KCNIP4: variants seen among roughly 807,000 people sequenced by gnomAD.
KCNIP4 encodes the protein Kv channel-interacting protein 4.
KCNIP4 carries 12 observed loss-of-function variants against 34.0 expected under a neutral mutation model. The observed-to-expected ratio is 0.35, with a 90% CI of 0.23 to 0.57. KCNIP4 has a LOEUF of 0.57. Ranked by LOEUF, KCNIP4 falls within the 20% of genes least tolerant of loss-of-function variation. KCNIP4 has a pLI of 0.83. For synonymous variants in KCNIP4, 124 were observed against 102.2 expected (o/e 1.21, Z -1.29); for missense variants, 238 against 311.7 (o/e 0.76, Z 1.78).
At chr4:20,817,163 A>G (rs1321828196) in intron 3 of KCNIP4, among the ~76,000 whole-genome samples, 1 of 152,228 alleles carries the variant, frequency 6.6e-6, no homozygotes, top group African/African-American at 2.4e-5. Flanking sequence ...CACAGTTTAC[A>G]TGTGTTGTGG....
At chr4:21,672,529 G>A (rs1418565214) in intron 1 of KCNIP4, among the ~76,000 whole-genome samples, 1 of 152,166 alleles carries the variant, frequency 6.6e-6, no homozygotes. Flanking sequence ...CAAAGGTTCA[G>A]TGTATATTAA....
chr4:21,823,518 AAC>A lies in KCNIP4; in HGVS notation c.61+125051_61+125052del, dbSNP rs1491526216. Among the ~76,000 whole-genome samples the A allele has an allele frequency of 8.9e-4, 116 of 130,344 alleles. 1 individual carries two copies. Among genetic ancestry groups the A allele is most frequent in the East Asian group, 4.3e-3 (14 of 3,236 alleles). The allele number at this position is 130,344 out of a possible 152,430, so 85.5% of individuals were successfully genotyped here. A position where few individuals can be genotyped will look rare whatever the true frequency, so the allele number is the denominator to read the frequency against. Reference sequence around the variant, plus strand: ...ATTTTTGTTCTGTCTTAAAAAAAAAAACAAAAAAACTACAGTCCTTCCAGATC... The same window carrying A: ...ATTTTTGTTCTGTCTTAAAAAAAAAAAAAAAAACTACAGTCCTTCCAGATC... On this transcript the variant is annotated intron_variant, in intron 1 of 8. Coordinates refer to ENST00000382152, the MANE Select transcript of KCNIP4 (RefSeq NM_025221.6).
chr4:21,421,320 C>T (rs556665109), intron 1 of KCNIP4, among the ~76,000 whole-genome samples: 1 of 152,258 alleles, frequency 6.6e-6, no homozygotes, highest in Admixed American at 6.5e-5. Context: ...TATCTGCACT[C>T]TCATGTTCAT....
intron 1 of KCNIP4, among the ~76,000 whole-genome samples, chr4:21,500,498 T>C (rs893018704): frequency 6.6e-6 from 1 of 152,120 alleles, no homozygotes; most frequent in African/African-American, 2.4e-5. Context: ...TTAGACAAAG[T>C]ATATAGAGCA....
At chr4:20,908,878 CTTTA>C (rs1438086405) in intron 1 of KCNIP4, among the ~76,000 whole-genome samples, 1 of 152,182 alleles carries the variant, frequency 6.6e-6, no homozygotes, top group East Asian at 1.9e-4. Flanking sequence ...ATGAAAAGTG[CTTTA>C]TTTACTCAGT....
chr4:20,753,428 T>G (rs1313328414), intron 4 of KCNIP4, among the ~76,000 whole-genome samples: 1 of 152,164 alleles, frequency 6.6e-6, no homozygotes, highest in Non-Finnish European at 1.5e-5. Flanking sequence ...AACTCTGAAC[T>G]TAGTCCAAAG....
At chr4:21,109,147 T>C (rs1016495737) in intron 1 of KCNIP4, among the ~76,000 whole-genome samples, 9 of 152,038 alleles carry the variant, frequency 5.9e-5, no homozygotes, top group East Asian at 1.9e-4. Context: ...GACAGGGACA[T>C]TTAAGTCTGC....
chr4:20,735,794 C>CA (rs1749489095), intron 5 of KCNIP4, among the ~76,000 whole-genome samples: 2 of 152,164 alleles, frequency 1.3e-5, no homozygotes, highest in South Asian at 4.1e-4. Context: ...CGCCGCCTCT[C>CA]AAAGTGCTGG....
chr4:21,420,242 T>C (rs1038618698), intron 1 of KCNIP4, among the ~76,000 whole-genome samples: 2 of 152,180 alleles, frequency 1.3e-5, no homozygotes, highest in African/African-American at 2.4e-5. Flanking sequence ...AAACACAAAA[T>C]TAAAATGGCG....
intron 3 of KCNIP4, among the ~76,000 whole-genome samples, chr4:20,786,432 C>A (rs1397680561): frequency 6.6e-6 from 1 of 152,028 alleles, no homozygotes; most frequent in Non-Finnish European, 1.5e-5. Context: ...TGCACATGTA[C>A]CCCCTGAATC....
chr4:21,190,899 C>G (rs1321430097), intron 1 of KCNIP4, among the ~76,000 whole-genome samples: 1 of 151,990 alleles, frequency 6.6e-6, no homozygotes, highest in Non-Finnish European at 1.5e-5. Flanking sequence ...ATAAGGAAAC[C>G]TTGAAAGAAA....
At chr4:21,324,942 T>C (rs1714883778) in intron 1 of KCNIP4, among the ~76,000 whole-genome samples, 1 of 151,960 alleles carries the variant, frequency 6.6e-6, no homozygotes, top group Non-Finnish European at 1.5e-5. Context: ...TGCATCAGTG[T>C]TTTATGGTTT....
At chr4:21,174,776 A>G (rs903887689) in intron 1 of KCNIP4, among the ~76,000 whole-genome samples, 1 of 151,960 alleles carries the variant, frequency 6.6e-6, no homozygotes, top group African/African-American at 2.4e-5. Context: ...CTGGTGGTGC[A>G]TGCCTGTAAT....
chr4:21,844,818 C>T (rs1025210963), intron 1 of KCNIP4: 3 of 151,902 alleles, frequency 2.0e-5, no homozygotes, highest in Admixed American at 6.6e-5. Flanking sequence ...AAATTGATAA[C>T]CCACTACATC....
intron 1 of KCNIP4, among the ~76,000 whole-genome samples, chr4:21,713,270 C>T (rs531528253): frequency 2.4e-4 from 36 of 152,278 alleles, no homozygotes; most frequent in Middle Eastern, 3.4e-3. Context: ...GCTGTTTCTA[C>T]TAGATTCCAA....
chr4:21,577,354 G>A (rs553348856), intron 1 of KCNIP4, among the ~76,000 whole-genome samples: 2 of 152,234 alleles, frequency 1.3e-5, no homozygotes, highest in East Asian at 3.9e-4. Flanking sequence ...TTCCAGCTGC[G>A]CACTGTGGCT....
chr4:21,798,543 A>C (rs892603357), intron 1 of KCNIP4, among the ~76,000 whole-genome samples: 3 of 133,734 alleles, frequency 2.2e-5, no homozygotes, highest in African/African-American at 7.8e-5. Flanking sequence ...GGAAAGAGAG[A>C]GAGAGAAAGA....
intron 3 of KCNIP4, among the ~76,000 whole-genome samples, chr4:20,811,974 A>C (rs145671409): frequency 0.02 from 3,013 of 152,300 alleles, 42 homozygotes; most frequent in Non-Finnish European, 0.028. Context: ...ATACCCTAAG[A>C]GACAGGCCAC....
chr4:20,762,946 CA>C (rs1755070274), intron 3 of KCNIP4, among the ~76,000 whole-genome samples: 1 of 75,936 alleles, frequency 1.3e-5, no homozygotes, highest in Non-Finnish European at 2.3e-5. Context: ...ACCTTCTTCA[CA>C]AGGCAGCAAG....
Sources: allele counts gnomAD v4.1 joint callset (sites outside exome capture counted in the v4.1 genomes callset), GRCh38; gene constraint gnomAD v4.1.1; transcripts MANE v1.5; gene names NCBI Gene and HGNC (gene_info 2026-07-23, HGNC 2026-07-21).